SORCS3: variants seen among roughly 807,000 people sequenced by gnomAD.
SORCS3 encodes the protein VPS10 domain-containing receptor SorCS3.
Under a neutral mutation model 146.3 loss-of-function variants are expected in SORCS3, and 57 were observed. That is an observed-to-expected ratio of 0.39 (90% CI 0.31 to 0.49). The LOEUF is 0.49. Among genes scored for constraint, SORCS3 ranks in the 20% least tolerant of loss-of-function variants. SORCS3 has a pLI of 0.92. For synonymous variants in SORCS3, 653 were observed against 618.5 expected (o/e 1.06, Z -0.83); for missense variants, 1,341 against 1,575.5 (o/e 0.85, Z 2.52).
At chr10:104,914,749 G>A (rs2019007085) in intron 2 of SORCS3, among the ~76,000 whole-genome samples, 1 of 152,262 alleles carries the variant, frequency 6.6e-6, no homozygotes, top group Non-Finnish European at 1.5e-5. Context: ...TCAAAGCAAA[G>A]GCTGGGGGTG....
At chr10:104,760,075 C>T (rs555523350) in intron 1 of SORCS3, among the ~76,000 whole-genome samples, 1 of 152,226 alleles carries the variant, frequency 6.6e-6, no homozygotes, top group South Asian at 2.1e-4. Flanking sequence ...AAAGAAAATC[C>T]CAGGTGGGGG....
chr10:104,994,814 G>A (rs1171749397), intron 4 of SORCS3, among the ~76,000 whole-genome samples: 1 of 152,160 alleles, frequency 6.6e-6, no homozygotes, highest in African/African-American at 2.4e-5. Context: ...ATAATATTAT[G>A]TGGACATAGC....
chr10:105,200,453 G>A (rs546696937), intron 15 of SORCS3, among the ~76,000 whole-genome samples: 1 of 152,230 alleles, frequency 6.6e-6, no homozygotes, highest in Non-Finnish European at 1.5e-5. Context: ...CATTTTATCT[G>A]CCAATGTGGA....
At chr10:104,877,233 C>T (rs2018585699) in intron 2 of SORCS3, among the ~76,000 whole-genome samples, 1 of 152,140 alleles carries the variant, frequency 6.6e-6, no homozygotes, top group South Asian at 2.1e-4. Context: ...CACCATTATC[C>T]AGCATGCCTT....
chr10:104,667,881 C>T (rs1314672769), intron 1 of SORCS3, among the ~76,000 whole-genome samples: 9 of 152,192 alleles, frequency 5.9e-5, no homozygotes, highest in African/African-American at 1.9e-4. Context: ...CCATGGACCT[C>T]CTCTGGGAGC....
chr10:104,782,942 G>A (rs1035918427), intron 1 of SORCS3, among the ~76,000 whole-genome samples: 1 of 152,166 alleles, frequency 6.6e-6, no homozygotes, highest in African/African-American at 2.4e-5. Flanking sequence ...TTTTACATAT[G>A]CAGTTTTGAG....
intron 4 of SORCS3, among the ~76,000 whole-genome samples, chr10:104,991,488 G>T (rs1453292253): frequency 2.0e-5 from 3 of 150,036 alleles, no homozygotes; most frequent in Admixed American, 1.3e-4. Flanking sequence ...TCTATGTCCT[G>T]ATTTCCTCTT....
chr10:104,915,692 TG>T, intron 2 of SORCS3, 140 bp from the exon 3 acceptor site: 1 of 679,098 alleles, frequency 1.5e-6, no homozygotes, highest in Non-Finnish European at 2.6e-6. Flanking sequence ...CTAAAATTAA[TG>T]GGGCTTTTTA....
intron 3 of SORCS3, among the ~76,000 whole-genome samples, chr10:104,958,263 T>C (rs750353735): frequency 1.8e-4 from 27 of 152,272 alleles, no homozygotes; most frequent in Non-Finnish European, 3.4e-4. Context: ...CAATTGTTAC[T>C]GAGTAGCCAA....
chr10:104,731,704 G>A (rs898280082), intron 1 of SORCS3, among the ~76,000 whole-genome samples: 2 of 152,188 alleles, frequency 1.3e-5, no homozygotes, highest in African/African-American at 4.8e-5. Context: ...CCAGGTTATT[G>A]AGCCTGTGTA....
At chr10:104,956,030 G>C (rs139159600) in intron 3 of SORCS3, among the ~76,000 whole-genome samples, 140 of 152,180 alleles carry the variant, frequency 9.2e-4, no homozygotes, top group African/African-American at 3.3e-3. Context: ...GGAGTGATAG[G>C]ATTTACGGGT....
intron 1 of SORCS3, among the ~76,000 whole-genome samples, chr10:104,738,578 G>T (rs1333696604): frequency 2.0e-5 from 3 of 152,092 alleles, no homozygotes; most frequent in Non-Finnish European, 4.4e-5. Flanking sequence ...ATCTGTAGCT[G>T]CTTTGGGACA....
intron 4 of SORCS3, among the ~76,000 whole-genome samples, chr10:105,034,227 T>C (rs558010619): frequency 8.8e-4 from 134 of 152,230 alleles, no homozygotes; most frequent in South Asian, 1.7e-3. Context: ...GGAAGTGTTA[T>C]TTCCGATGAC....
At position 105,201,026 on chromosome 10, in the gene SORCS3, G is replaced by T. The variant is rs560239294; in HGVS notation, c.2128-94G>T. The T allele has an allele frequency of 6.5e-6, 9 of 1,380,492 alleles. No individual in the cohort carries two copies. In the African/African-American group the frequency reaches 1.3e-4, roughly 20 times the overall value. 85.5% of individuals were successfully genotyped at this position (1,380,492 alleles called of 1,614,324 possible). Reference sequence around the variant, plus strand: ...AGACTGCTACATAAAGTACCTAAATGAGAATGAACAGGCTAATGCTTCTTG... The same window carrying T: ...AGACTGCTACATAAAGTACCTAAATTAGAATGAACAGGCTAATGCTTCTTG... On this transcript the variant is annotated intron_variant, in intron 15 of 26. Coordinates refer to ENST00000369701, the MANE Select transcript of SORCS3 (RefSeq NM_014978.3).
chr10:104,673,308 A>G (rs142911898), intron 1 of SORCS3, among the ~76,000 whole-genome samples: 33 of 152,168 alleles, frequency 2.2e-4, no homozygotes, highest in Middle Eastern at 3.4e-3. Flanking sequence ...TTTGTTTTCT[A>G]TATATGCCTT....
chr10:104,847,029 C>T (rs2018213915), intron 2 of SORCS3, among the ~76,000 whole-genome samples: 1 of 152,192 alleles, frequency 6.6e-6, no homozygotes, highest in African/African-American at 2.4e-5. Flanking sequence ...CAAATGTAGG[C>T]CATTGTCATG....
chr10:105,254,734 G>C (rs1335278375), intron 23 of SORCS3, among the ~76,000 whole-genome samples: 1 of 151,610 alleles, frequency 6.6e-6, no homozygotes. Flanking sequence ...AGGAGGGAGA[G>C]GTTGCAGCCA....
chr10:105,253,911 CA>C (rs2056915395), intron 23 of SORCS3, among the ~76,000 whole-genome samples: 1 of 152,168 alleles, frequency 6.6e-6, no homozygotes, highest in Non-Finnish European at 1.5e-5. Flanking sequence ...TCTGAAATAG[CA>C]AGTGGCATGT....
intron 5 of SORCS3, among the ~76,000 whole-genome samples, chr10:105,066,719 T>G (rs1042329931): frequency 6.6e-6 from 1 of 152,130 alleles, no homozygotes; most frequent in African/African-American, 2.4e-5. Context: ...CTACCTGGTG[T>G]TGTTTTCTAA....
Sources: allele counts gnomAD v4.1 joint callset (sites outside exome capture counted in the v4.1 genomes callset), GRCh38; gene constraint gnomAD v4.1.1; transcripts MANE v1.5; gene names NCBI Gene and HGNC (gene_info 2026-07-23, HGNC 2026-07-21).